Variants in SOX6 observed in about 807,000 individuals in gnomAD.
SOX6 encodes the protein SRY-box transcription factor 6, also known as transcription factor SOX-6.
Under a neutral mutation model 97.8 loss-of-function variants are expected in SOX6, and 11 were observed. That is an observed-to-expected ratio of 0.11 (90% CI 0.07 to 0.19). SOX6 has a LOEUF of 0.19. SOX6 is among the 10% of genes least tolerant of loss of function. SOX6 has a pLI of 1.00. For synonymous variants in SOX6, 360 were observed against 371.4 expected, an observed-to-expected ratio of 0.97 and a Z score of 0.35; for missense variants, 810 against 1,039.5, an observed-to-expected ratio of 0.78 and a Z score of 3.04.
At chr11:16,119,690 C>T (rs903925050) in intron 6 of SOX6, among the ~76,000 whole-genome samples, 5 of 152,164 alleles carry the variant, frequency 3.3e-5, no homozygotes, top group African/African-American at 1.2e-4. Context: ...CTTCTGACCA[C>T]CAATTTTCAT....
At chr11:16,141,019 C>G (rs1850121617) in intron 6 of SOX6, among the ~76,000 whole-genome samples, 1 of 151,780 alleles carries the variant, frequency 6.6e-6, no homozygotes, top group African/African-American at 2.4e-5. Context: ...GAAGCTGAGA[C>G]AGGAGAATCA....
At chr11:16,683,956 A>T (rs1226925253) in intron 3 of SOX6, among the ~76,000 whole-genome samples, 1 of 152,276 alleles carries the variant, frequency 6.6e-6, no homozygotes, top group Non-Finnish European at 1.5e-5. Context: ...AAAAGAAGAC[A>T]TTTATGCAGC....
At chr11:16,664,396 A>G (rs191762281) in intron 3 of SOX6, among the ~76,000 whole-genome samples, 53 of 152,294 alleles carry the variant, frequency 3.5e-4, no homozygotes, top group African/African-American at 1.3e-3. Flanking sequence ...GAGAGACAGC[A>G]CAGTGATTGT....
chr11:16,634,400 G>A (rs1457351744), intron 3 of SOX6, among the ~76,000 whole-genome samples: 4 of 151,842 alleles, frequency 2.6e-5, no homozygotes, highest in Non-Finnish European at 5.9e-5. Flanking sequence ...CATGAAAGCT[G>A]GAGTCTCAGA....
chr11:16,272,443 C>T (rs1854285479), intron 3 of SOX6, among the ~76,000 whole-genome samples: 1 of 151,578 alleles, frequency 6.6e-6, no homozygotes, highest in Non-Finnish European at 1.5e-5. Flanking sequence ...ATTTGAGGAG[C>T]AAAAATAAAC....
intron 4 of SOX6, among the ~76,000 whole-genome samples, chr11:16,540,154 T>G (rs866473463): frequency 1.3e-5 from 2 of 152,088 alleles, no homozygotes; most frequent in African/African-American, 4.8e-5. Context: ...TGGGATGCAA[T>G]GCTGGTACAA....
intron 6 of SOX6, among the ~76,000 whole-genome samples, chr11:16,128,029 G>C (rs1372091283): frequency 6.6e-6 from 1 of 152,184 alleles, no homozygotes; most frequent in Non-Finnish European, 1.5e-5. Flanking sequence ...GCTAGTTAAA[G>C]ATGTGGTGCT....
chr11:16,604,883 C>G (rs1565191293), intron 4 of SOX6, among the ~76,000 whole-genome samples: 2 of 152,180 alleles, frequency 1.3e-5, no homozygotes, highest in Non-Finnish European at 2.9e-5. Context: ...CCGAACACAC[C>G]AATTCTTTTT....
At chr11:16,171,972 T>C (rs1186607624) in intron 6 of SOX6, among the ~76,000 whole-genome samples, 2 of 151,378 alleles carry the variant, frequency 1.3e-5, no homozygotes, top group Non-Finnish European at 3.0e-5. Flanking sequence ...CAAAAGAATA[T>C]CCATATCAAC....
intron 3 of SOX6, among the ~76,000 whole-genome samples, chr11:16,282,006 T>C (rs200121846): frequency 0.057 from 7,213 of 126,570 alleles, 237 homozygotes; most frequent in Non-Finnish European, 0.087. Context: ...TATATATATA[T>C]ACACACACAC....
intron 9 of SOX6, among the ~76,000 whole-genome samples, chr11:16,076,999 C>T (rs939046265): frequency 1.3e-5 from 2 of 151,338 alleles, no homozygotes; most frequent in Non-Finnish European, 2.9e-5. Context: ...ATGATCCACC[C>T]GCCTCGGCCT....
At chr11:16,354,604 C>A (rs1290958366) in intron 1 of SOX6, among the ~76,000 whole-genome samples, 1 of 151,972 alleles carries the variant, frequency 6.6e-6, no homozygotes, top group African/African-American at 2.4e-5. Context: ...ACAATAGAGT[C>A]CTGAGCTGTA....
At chr11:16,304,065 G>A (rs1210069297) in intron 3 of SOX6, among the ~76,000 whole-genome samples, 4 of 151,872 alleles carry the variant, frequency 2.6e-5, no homozygotes, top group Non-Finnish European at 5.9e-5. Context: ...ACAAGCACAC[G>A]CCACCATGCC....
intron 1 of SOX6, among the ~76,000 whole-genome samples, chr11:16,386,941 C>A (rs532707705): frequency 6.6e-6 from 1 of 152,084 alleles, no homozygotes; most frequent in Admixed American, 6.6e-5. Context: ...CTCTCATTAT[C>A]CAAATATTCA....
intron 13 of SOX6, among the ~76,000 whole-genome samples, chr11:16,001,504 C>T (rs1854407362): frequency 6.6e-6 from 1 of 152,140 alleles, no homozygotes; most frequent in Admixed American, 6.6e-5. Flanking sequence ...GACTTTCAGC[C>T]TAGTACATCA....
chr11:16,136,660 T>A (rs1849974246), intron 6 of SOX6, among the ~76,000 whole-genome samples: 1 of 152,148 alleles, frequency 6.6e-6, no homozygotes, highest in Admixed American at 6.6e-5. Context: ...GATCTCAAAC[T>A]CCTAGGCTCA....
intron 1 of SOX6, among the ~76,000 whole-genome samples, chr11:16,417,877 T>C (rs187558155): frequency 5.5e-4 from 84 of 152,362 alleles, no homozygotes; most frequent in Non-Finnish European, 1.0e-3. Flanking sequence ...TTGTCTACTA[T>C]AAATTATTTC....
chr11:16,146,899 T>C (rs919998747), intron 6 of SOX6, among the ~76,000 whole-genome samples: 9 of 152,328 alleles, frequency 5.9e-5, no homozygotes, highest in East Asian at 1.9e-4. Flanking sequence ...TTTTACACTG[T>C]TGGTGGGACT....
At chr11:16,444,879 T>C (rs1859582666) in intron 1 of SOX6, among the ~76,000 whole-genome samples, 1 of 152,194 alleles carries the variant, frequency 6.6e-6, no homozygotes, top group African/African-American at 2.4e-5. Flanking sequence ...GGTTACAGAT[T>C]GCTGGAAATG....
Sources: allele counts gnomAD v4.1 joint callset (sites outside exome capture counted in the v4.1 genomes callset), GRCh38; gene constraint gnomAD v4.1.1; transcripts MANE v1.5; gene names NCBI Gene and HGNC (gene_info 2026-07-23, HGNC 2026-07-21).